PDPK1: variants seen among roughly 807,000 people sequenced by gnomAD.
PDPK1 encodes the protein 3-phosphoinositide dependent protein kinase 1, also known as 3-phosphoinositide-dependent protein kinase 1.
In PDPK1, 7 loss-of-function variants were observed where a neutral mutation model predicts 39.8. The ratio of observed to expected loss-of-function variants is 0.18; its 90% CI spans 0.10 to 0.33. PDPK1 has a LOEUF of 0.33. Ranked by LOEUF, PDPK1 falls within the 10% of genes least tolerant of loss-of-function variation. The probability of loss-of-function intolerance (pLI) is 1.00; values close to 1 mark genes in which losing one functional copy is unlikely to be tolerated. For synonymous variants in PDPK1, 118 were observed against 159.1 expected (o/e 0.74, Z 1.95); for missense variants, 182 against 384.7 (o/e 0.47, Z 4.41).
intron 11 of PDPK1, among the ~76,000 whole-genome samples, chr16:2,591,782 A>C (rs1438550522): frequency 6.6e-6 from 1 of 152,250 alleles, no homozygotes; most frequent in African/African-American, 2.4e-5. Flanking sequence ...TTTGTTTTGG[A>C]AAGTAGTTAT....
Position 2,577,837 on chromosome 16 carries a change from C to T in PDPK1, c.785+337C>T, listed in dbSNP as rs368609490. On this transcript the variant is annotated intron_variant, in intron 7 of 13. Coordinates refer to ENST00000342085, the MANE Select transcript of PDPK1 (RefSeq NM_002613.5). ...CGCTGCAACCTCCGCCTCCCGGGTT[C>T]AAGCAATTCTCCTGCCTCAGCCTCC... is the stretch of plus-strand genomic sequence containing the variant. 7.8e-3 allele frequency among the ~76,000 whole-genome samples: 1,135 copies of T among 145,474 alleles called. 7 individuals are homozygous for T. The highest frequency in any genetic ancestry group is 0.012 in the Admixed American group (175 of 14,332).
rs2142013160 is a variant in PDPK1 at position 2,598,540 on chromosome 16, A to G, written c.*773A>G. On this transcript the variant is annotated 3_prime_UTR_variant, in exon 14 of 14. Coordinates refer to ENST00000342085, the MANE Select transcript of PDPK1 (RefSeq NM_002613.5). ...GTCTCTGGGGCTGGAAGCCGAGCGC[A>G]TGCTGGGAGCGGTACTGTCAGAAGT... The G allele has an allele frequency of 4.3e-6, 1 of 233,508 alleles. No homozygotes were observed. Among genetic ancestry groups the G allele is most frequent in the Non-Finnish European group, 8.5e-6 (1 of 118,238 alleles). The allele number at this position is 233,508 out of a possible 1,614,324, so 14.5% of individuals were successfully genotyped here.
intron 7 of PDPK1, 127 bp downstream of exon 7, chr16:2,577,627 AGGCGTATTTTCCGT>A: frequency 3.1e-6 from 2 of 647,488 alleles, no homozygotes; most frequent in Admixed American, 5.2e-5. Flanking sequence ...TCGCATTTTA[AGGCGTATTTTCCGT>A]GGCGTACACA....
intron 1 of PDPK1, among the ~76,000 whole-genome samples, chr16:2,553,365 A>G (rs1210599631): frequency 7.2e-6 from 1 of 138,806 alleles, no homozygotes. Flanking sequence ...TTCTTTTTTA[A>G]AAAGAGACAA....
At chr16:2,544,653 G>A (rs1169028815) in intron 1 of PDPK1, among the ~76,000 whole-genome samples, 9 of 151,606 alleles carry the variant, frequency 5.9e-5, no homozygotes, top group Admixed American at 1.3e-4. Flanking sequence ...GCGCGATCTC[G>A]GCTCACTGCA....
chr16:2,538,573 A>C (rs1178811578), intron 1 of PDPK1: 1 of 1,257,538 alleles, frequency 8.0e-7, no homozygotes, highest in Non-Finnish European at 1.0e-6. Flanking sequence ...CAGAAGGTGC[A>C]AGTTCTTGCT....
Position 2,598,032 on chromosome 16 carries a change from C to T in PDPK1, c.*265C>T. On this transcript the variant is annotated 3_prime_UTR_variant, in exon 14 of 14. Coordinates refer to ENST00000342085, the MANE Select transcript of PDPK1 (RefSeq NM_002613.5). ...TGGAGGCCTCCGTGTGCCCTCGTTG[C>T]CGTGGGGACCCAGCTCCATGCACGT... The T allele has an allele frequency of 2.0e-6, 1 of 508,624 alleles. No individual in the cohort carries two copies. Among genetic ancestry groups the T allele is most frequent in the Non-Finnish European group, 3.5e-6 (1 of 282,476 alleles). 31.5% of individuals were successfully genotyped at this position (508,624 alleles called of 1,614,324 possible). A position where few individuals can be genotyped will look rare whatever the true frequency, so the allele number is the denominator to read the frequency against.
chr16:2,586,264 C>T (rs955479062), intron 10 of PDPK1, among the ~76,000 whole-genome samples: 10 of 152,246 alleles, frequency 6.6e-5, no homozygotes, highest in African/African-American at 9.6e-5. Flanking sequence ...AGGTCTTGCA[C>T]GGAGGCCCTG....
rs568031007 is a variant in PDPK1, at chr16:2,596,385, G to A, written c.1401+535G>A. Among the ~76,000 whole-genome samples the A allele has an allele frequency of 1.2e-4, 18 of 152,224 alleles. No homozygotes were observed. The South Asian group carries it at 3.1e-3, about 26-fold the overall frequency. Reference sequence around the variant, plus strand: ...CTTTTTTTGTATTTTTAGTAGAGACGGGGTTTCACCGTGTTAGCCAGGATG... The same window carrying A: ...CTTTTTTTGTATTTTTAGTAGAGACAGGGTTTCACCGTGTTAGCCAGGATG... On this transcript the variant is annotated intron_variant, in intron 12 of 13. Transcript: ENST00000342085.
intron 11 of PDPK1, chr16:2,592,580 C>T: frequency 2.8e-6 from 1 of 355,434 alleles, no homozygotes; most frequent in Admixed American, 3.8e-5. Context: ...GAGGCTGAGA[C>T]AGGAGAATCG....
At chr16:2,553,083 G>T (rs1315327286) in intron 1 of PDPK1, among the ~76,000 whole-genome samples, 1 of 146,418 alleles carries the variant, frequency 6.8e-6, no homozygotes, top group African/African-American at 2.7e-5. Flanking sequence ...CATAACCAGG[G>T]AGTGGGGGGC....
chr16:2,591,691 G>A (rs1041741320), intron 11 of PDPK1, among the ~76,000 whole-genome samples: 3 of 152,202 alleles, frequency 2.0e-5, no homozygotes, highest in African/African-American at 7.2e-5. Context: ...GGTGGATGCG[G>A]GGACCCAGCA....
At chr16:2,545,679 G>A (rs931243485) in intron 1 of PDPK1, among the ~76,000 whole-genome samples, 1 of 152,140 alleles carries the variant, frequency 6.6e-6, no homozygotes, top group Non-Finnish European at 1.5e-5. Flanking sequence ...ATTTTCAGTA[G>A]AGACGGCGTT....
chr16:2,587,368 C>T lies in PDPK1; in HGVS notation c.1343+475C>T, dbSNP rs140882839. On this transcript the variant is annotated intron_variant, in intron 11 of 13. Transcript: ENST00000342085. ...CTGCCTTTCCCAATGCTCTTGCCTG[C>T]CTGAGAGTGTTTTGATGCTCCAAAA... Among the ~76,000 whole-genome samples the T allele has an allele frequency of 1.5e-4, 23 of 152,300 alleles. No individual in the cohort carries two copies. The East Asian group carries it at 4.2e-3, about 28-fold the overall frequency.
chr16:2,592,788 T>C (rs1350479320), intron 11 of PDPK1: 1 of 455,640 alleles, frequency 2.2e-6, no homozygotes, highest in Non-Finnish European at 4.4e-6. Flanking sequence ...ATGCCGCCAG[T>C]GGAGCTTTGC....
intron 2 of PDPK1, among the ~76,000 whole-genome samples, chr16:2,558,554 CT>C (rs1318981771): frequency 6.7e-6 from 1 of 150,076 alleles, no homozygotes; most frequent in African/African-American, 2.5e-5. Flanking sequence ...GTTTTTTCCT[CT>C]GAAAGCAAAG....
At chr16:2,590,955 C>CTT (rs1189844610) in intron 11 of PDPK1, among the ~76,000 whole-genome samples, 3,066 of 133,946 alleles carry the variant, frequency 0.023, 113 homozygotes, top group African/African-American at 0.076. Context: ...GGCCAAAAGT[C>CTT]TTTTTTTTTT....
chr16:2,550,235 A>G (rs2066389363), intron 1 of PDPK1, among the ~76,000 whole-genome samples: 1 of 151,250 alleles, frequency 6.6e-6, no homozygotes, highest in Non-Finnish European at 1.5e-5. Flanking sequence ...TTTTTAGTAG[A>G]GAAAAATGGC....
At position 2,602,837 on chromosome 16, in the gene PDPK1, T is replaced by G. The variant is rs2067245326; in HGVS notation, c.*5070T>G. 1 of 233,964 alleles carries G rather than the reference T, an allele frequency of 4.3e-6. No individual in the cohort carries two copies. Among genetic ancestry groups the G allele is most frequent in the Admixed American group, 5.6e-5 (1 of 17,778 alleles). 14.5% of individuals were successfully genotyped at this position (233,964 alleles called of 1,614,324 possible). A position where few individuals can be genotyped will look rare whatever the true frequency, so the allele number is the denominator to read the frequency against. ...GATACTAGGATATACACTTTTGTAT[T>G]TTTATTCTTATATAAGGTTATTTGC... On this transcript the variant is annotated 3_prime_UTR_variant, in exon 14 of 14. Coordinates refer to ENST00000342085, the MANE Select transcript of PDPK1 (RefSeq NM_002613.5).
Sources: gnomAD v4.1 joint callset for allele counts (sites outside exome capture counted in the v4.1 genomes callset) on GRCh38, gnomAD v4.1.1 for gene constraint, MANE v1.5 for transcripts, NCBI Gene and HGNC (gene_info 2026-07-23, HGNC 2026-07-21) for gene names.